Variants in SNW1 observed in about 807,000 individuals in gnomAD.
SNW1 encodes the protein SNW domain-containing protein 1.
SNW1 carries 9 observed loss-of-function variants against 75.6 expected under a neutral mutation model. The observed-to-expected ratio is 0.12, with a 90% CI of 0.07 to 0.21. The LOEUF (loss-of-function observed/expected upper bound fraction) is 0.21. SNW1 is among the 10% of genes least tolerant of loss of function. The pLI is 1.00. For missense variants in SNW1, 409 were observed against 670.9 expected (o/e 0.61, Z 4.31); for synonymous variants, 200 against 219.1 (o/e 0.91, Z 0.77).
chr14:77,742,448 T>C (rs139916587), intron 3 of SNW1, among the ~76,000 whole-genome samples: 4 of 152,234 alleles, frequency 2.6e-5, no homozygotes, highest in Admixed American at 6.5e-5. Context: ...CTTGAAAGTA[T>C]CAGAAGCACA....
chr14:77,752,759 A>G (rs2080818227), intron 2 of SNW1, among the ~76,000 whole-genome samples: 1 of 152,002 alleles, frequency 6.6e-6, no homozygotes, highest in South Asian at 2.1e-4. Context: ...TGGAAAAAAA[A>G]GAAAATATTC....
intron 1 of SNW1, chr14:77,760,668 G>C: frequency 1.4e-6 from 1 of 702,310 alleles, no homozygotes; most frequent in Admixed American, 2.0e-5. Context: ...CTTGTTTCGG[G>C]ACACCCAGTG....
chr14:77,747,442 T>TC (rs2139924304), intron 3 of SNW1, among the ~76,000 whole-genome samples: 1 of 138,022 alleles, frequency 7.2e-6, no homozygotes, highest in African/African-American at 2.8e-5. Flanking sequence ...GAGCACCTCT[T>TC]CCCGGCCGCC....
At position 77,723,216 on chromosome 14, in the gene SNW1, A is replaced by G. The variant is rs1459472249; in HGVS notation, c.1095T>C (p.His365=). The stretch of plus-strand genomic sequence containing the variant: ...GAGCTGCCCTGGAAAGATTCCGGTC[A>G]TGCTGTCTCTCTTTTCGCCTGTCAT... ...IRHDRRKERQ[H]DRNLSRAAPD... Residue 365 remains histidine, a synonymous_variant, in exon 11 of 14, where the codon CAT becomes CAC. Coordinates refer to ENST00000261531, the MANE Select transcript of SNW1 (RefSeq NM_012245.3). 1.2e-6 allele frequency: 2 copies of G among 1,613,982 alleles called. No individual in the cohort carries two copies. The highest frequency in any genetic ancestry group is 1.7e-6 in the Non-Finnish European group (2 of 1,180,012).
At chr14:77,721,136 C>G (rs1458258361) in intron 11 of SNW1, 1 of 237,426 alleles carries the variant, frequency 4.2e-6, no homozygotes, top group Non-Finnish European at 8.2e-6. Flanking sequence ...TTGCTATGGT[C>G]TATATTTACT....
chr14:77,751,404 A>AT lies in SNW1; in HGVS notation c.244dup (p.Met82AsnfsTer12). ...CACCTGAATGGCCAGCGCATTCGAC[A>AT]TTTTTTTCTTTCGTCCCATATCCAG... On this transcript the variant is annotated frameshift_variant, in exon 3 of 14. Transcript: ENST00000261531. LOFTEE classifies it high-confidence loss of function. 6.2e-7 allele frequency: 1 copy of AT among 1,613,774 alleles called. No homozygotes were observed. The highest frequency in any genetic ancestry group is 8.5e-7 in the Non-Finnish European group (1 of 1,179,856).
chr14:77,721,287 T>C (rs1041113690), intron 11 of SNW1, among the ~76,000 whole-genome samples: 10 of 152,214 alleles, frequency 6.6e-5, no homozygotes, highest in African/African-American at 2.4e-4. Flanking sequence ...GAGGAAAACA[T>C]GTCAATGACT....
chr14:77,730,941 AT>A (rs2080622703), intron 10 of SNW1, 46 bp downstream of exon 10: 1 of 1,589,920 alleles, frequency 6.3e-7, no homozygotes, highest in Non-Finnish European at 8.5e-7. Flanking sequence ...AATAAGATAT[AT>A]TTTGTTCACC....
chr14:77,747,309 C>A (rs2080768290), intron 3 of SNW1, among the ~76,000 whole-genome samples: 1 of 152,184 alleles, frequency 6.6e-6, no homozygotes, highest in Non-Finnish European at 1.5e-5. Flanking sequence ...TCCCAAAGTG[C>A]CGAGACTGCA....
intron 10 of SNW1, among the ~76,000 whole-genome samples, chr14:77,725,787 C>T (rs567540424): frequency 1.3e-5 from 2 of 152,134 alleles, no homozygotes; most frequent in South Asian, 2.1e-4. Context: ...CGTGGTGGTG[C>T]GTGCCTTAGT....
In SNW1 at chr14:77,720,694, T is replaced by C; in HGVS notation, c.1248+17A>G. 1 of 1,483,058 alleles carries C rather than the reference T, an allele frequency of 6.7e-7. No homozygotes were observed. Among genetic ancestry groups the C allele is most frequent in the Non-Finnish European group, 9.4e-7 (1 of 1,060,798 alleles). The allele number at this position is 1,483,058 out of a possible 1,614,324, so 91.9% of individuals were successfully genotyped here. A position where few individuals can be genotyped will look rare whatever the true frequency, so the allele number is the denominator to read the frequency against. ...ATTCACATCAACACACACAATATGC[T>C]GTTCCTAAACTTGTACCTTGGATTG... On this transcript the variant is annotated intron_variant, in intron 12 of 13. Coordinates refer to ENST00000261531, the MANE Select transcript of SNW1 (RefSeq NM_012245.3).
At chr14:77,721,245 C>T (rs1294206713) in intron 11 of SNW1, 2 of 154,526 alleles carry the variant, frequency 1.3e-5, no homozygotes, top group Admixed American at 6.5e-5. Flanking sequence ...TTTATCTAAC[C>T]ACATTTAGTA....
rs755314773 is a variant in SNW1 at position 77,720,784 on chromosome 14, A to G, written c.1175T>C (p.Ile392Thr). The change falls in exon 12 of 14, where the codon ATT becomes ACT. Residue 392 changes from isoleucine (I) to threonine (T), a missense_variant. Ile to Thr is a moderately conservative substitution (Grantham distance 89). This residue lies in a region of SNW1 where 126 missense variants were observed against 167.6 expected (regional missense o/e 0.75). Coordinates refer to ENST00000261531, the MANE Select transcript of SNW1 (RefSeq NM_012245.3). ...CCGAGGATTAGGAACACCGAGAGCA[A>G]TAACTTCACTGATATCCCGATTTTC... ...RNENRDISEV[I>T]ALGVPNPRTS... The G allele has an allele frequency of 1.3e-5, 21 of 1,614,074 alleles. No homozygotes were observed. Among genetic ancestry groups the G allele is most frequent in the South Asian group, 2.2e-5 (2 of 91,066 alleles).
chr14:77,737,947 G>C (rs1403209646), intron 5 of SNW1, among the ~76,000 whole-genome samples: 1 of 133,936 alleles, frequency 7.5e-6, no homozygotes, highest in Non-Finnish European at 1.5e-5. Flanking sequence ...AGCCAAGATT[G>C]TGCCACTGCA....
In SNW1 at chr14:77,739,013, C is replaced by G; in HGVS notation, c.379G>C (p.Ala127Pro). 6.2e-7 allele frequency: 1 copy of G among 1,614,116 alleles called. No individual in the cohort carries two copies. The highest frequency in any genetic ancestry group is 8.5e-7 in the Non-Finnish European group (1 of 1,180,012). ...TDLVPKEVMN[A>P]DDPDLQRPDE... ...GGCCTTTGCAGGTCTGGATCATCTG[C>G]ATTCATAACCTCCTTTGGAACCAGG... The change falls in exon 4 of 14, where the codon GCA becomes CCA. Residue 127 changes from alanine to proline, a missense_variant. Physicochemically the swap from Ala to Pro is conservative, Grantham distance 27 (BLOSUM62 -1). Transcript: ENST00000261531.
intron 10 of SNW1, 36 bp from the exon 11 acceptor site, chr14:77,723,313 T>C: frequency 1.4e-6 from 2 of 1,449,038 alleles, no homozygotes; most frequent in South Asian, 1.1e-5. Context: ...CACTGTAATA[T>C]GTATTATATG....
At chr14:77,760,897 G>T (rs1221696064) in intron 1 of SNW1, 4 of 1,028,350 alleles carry the variant, frequency 3.9e-6, no homozygotes, top group Non-Finnish European at 5.9e-6. Flanking sequence ...TTTCGGCCTC[G>T]GTGAGCGGGT....
intron 12 of SNW1, among the ~76,000 whole-genome samples, chr14:77,720,214 T>C (rs2080528108): frequency 8.6e-6 from 1 of 116,350 alleles, no homozygotes; most frequent in Admixed American, 9.3e-5. Context: ...TAGAGTGCAG[T>C]GGCACAATCT....
At chr14:77,760,607 T>C in intron 1 of SNW1, 1 of 701,818 alleles carries the variant, frequency 1.4e-6, no homozygotes, top group Non-Finnish European at 2.6e-6. Context: ...CGGTCACTAC[T>C]GTGGCTCATT....
Sources: allele counts gnomAD v4.1 joint callset (sites outside exome capture counted in the v4.1 genomes callset), GRCh38; gene constraint gnomAD v4.1.1; regional missense constraint gnomAD v4.1.1; transcripts MANE v1.5; gene names NCBI Gene and HGNC (gene_info 2026-07-23, HGNC 2026-07-21).